The following SPAG1 variants were observed in gnomAD, a reference collection of about 807,000 sequenced individuals.
SPAG1 encodes sperm-associated antigen 1.
A neutral mutation model predicts 100.5 loss-of-function variants in SPAG1; 69 were observed. The observed-to-expected ratio is 0.69, with a 90% CI of 0.57 to 0.84. The LOEUF (loss-of-function observed/expected upper bound fraction) is 0.84. SPAG1 is among the 40% of genes least tolerant of loss of function. The pLI is 0.00. For synonymous variants in SPAG1, 336 were observed against 411.6 expected (o/e 0.82, Z 2.22); for missense variants, 955 against 1,133.1 (o/e 0.84, Z 2.26).
At chr8:100,197,818 G>T (rs911886213) in intron 10 of SPAG1, among the ~76,000 whole-genome samples, 17 of 152,172 alleles carry the variant, frequency 1.1e-4, no homozygotes, top group African/African-American at 4.1e-4. Context: ...TTTAACAACT[G>T]ACAATTATTG....
At chr8:100,172,634 A>ATGTGTGTGTGTGTGTGTG (rs60155004) in intron 3 of SPAG1, among the ~76,000 whole-genome samples, 2 of 145,460 alleles carry the variant, frequency 1.4e-5, no homozygotes, top group Non-Finnish European at 1.5e-5. Context: ...AAAGAAATAT[A>ATGTGTGTGTGTGTGTGTG]TGTGTGTGTG....
intron 14 of SPAG1, among the ~76,000 whole-genome samples, chr8:100,225,785 G>C (rs1302030283): frequency 6.6e-6 from 1 of 151,998 alleles, no homozygotes; most frequent in Non-Finnish European, 1.5e-5. Flanking sequence ...GTCTTAAGAA[G>C]TTGCTACATA....
chr8:100,235,329 G>A (rs1020048708), intron 16 of SPAG1, among the ~76,000 whole-genome samples: 10 of 152,174 alleles, frequency 6.6e-5, no homozygotes, highest in African/African-American at 2.4e-4. Flanking sequence ...TTGAGGTACT[G>A]GAGGTTAGAA....
At chr8:100,195,775 A>C (rs1305252924) in intron 10 of SPAG1, among the ~76,000 whole-genome samples, 1 of 152,180 alleles carries the variant, frequency 6.6e-6, no homozygotes, top group Non-Finnish European at 1.5e-5. Flanking sequence ...TTTTATATAT[A>C]GTAAAAATGA....
At position 100,187,104 on chromosome 8, in the gene SPAG1, ACTGTTTCTTTTCTAGGAGCATATC is replaced by A. The variant is rs1285087280; in HGVS notation, c.702-15_710del. ...ACCTTAGGCTTGCTTGTTGCCAGTA[ACTGTTTCTTTTCTAGGAGCATATC>A]AGCGCTTCCCACTGTAGTTGCCTAT... On this transcript the variant is annotated splice_acceptor_variant and splice_polypyrimidine_tract_variant and coding_sequence_variant and intron_variant, in exon 8 of 19. Coordinates refer to ENST00000388798, the MANE Select transcript of SPAG1 (RefSeq NM_003114.5). LOFTEE classifies it high-confidence loss of function. 2.5e-6 allele frequency: 4 copies of A among 1,596,982 alleles called. No individual in the cohort carries two copies. Among genetic ancestry groups the A allele is most frequent in the Non-Finnish European group, 3.4e-6 (4 of 1,173,148 alleles).
chr8:100,213,324 A>G lies in SPAG1; in HGVS notation c.1331A>G (p.Asn444Ser), dbSNP rs1415309007. Residue 444 changes from asparagine (N) to serine (S), a missense_variant, in exon 11 of 19, where the codon AAC becomes AGC. Physicochemically the swap from Asn to Ser is conservative, Grantham distance 46 (BLOSUM62 1). Coordinates refer to ENST00000388798, the MANE Select transcript of SPAG1 (RefSeq NM_003114.5). ...GHPGGGQGAE[N>S]PAGLKSQGNE... The stretch of plus-strand genomic sequence containing the variant: ...CCGGGCGGCGGGCAGGGCGCGGAGA[A>G]CCCTGCCGGCCTGAAGAGCCAGGGC... 8 of 1,272,032 alleles carry G rather than the reference A, an allele frequency of 6.3e-6. No homozygotes were observed. The African/African-American group carries it at 1.1e-4, about 17-fold the overall frequency. The allele number at this position is 1,272,032 out of a possible 1,614,324, so 78.8% of individuals were successfully genotyped here. A position where few individuals can be genotyped will look rare whatever the true frequency, so the allele number is the denominator to read the frequency against.
chr8:100,206,016 TCAAAAAAAAAAAAA>T (rs1214118999), intron 10 of SPAG1, among the ~76,000 whole-genome samples: 2 of 19,982 alleles, frequency 1.0e-4, no homozygotes, highest in African/African-American at 4.5e-4. Context: ...AGACTCTGTC[TCAAAAAAAAAAAAA>T]AAAAAAAAAA....
intron 13 of SPAG1, among the ~76,000 whole-genome samples, chr8:100,221,413 C>G (rs1479722387): frequency 6.6e-6 from 1 of 152,180 alleles, no homozygotes; most frequent in Non-Finnish European, 1.5e-5. Context: ...AACTTCCAGA[C>G]TTCATCAATT....
Position 100,239,845 on chromosome 8 carries a change from G to A in SPAG1, c.2280+441G>A, listed in dbSNP as rs535751961. 3.3e-5 allele frequency among the ~76,000 whole-genome samples: 5 copies of A among 152,278 alleles called. No homozygotes were observed. Among genetic ancestry groups the A allele is most frequent in the Non-Finnish European group, 5.9e-5 (4 of 68,024 alleles). On this transcript the variant is annotated intron_variant, in intron 17 of 18. Coordinates refer to ENST00000388798, the MANE Select transcript of SPAG1 (RefSeq NM_003114.5). The surrounding 1 kb of genome is among the most constrained non-coding windows in gnomAD (Gnocchi z 5.0). ...ATATGACTGCCTCATCAGAGATCTC[G>A]AACTACCTCAGGATCAAACTGCTTT...
At chr8:100,228,186 A>G (rs1412853874) in intron 14 of SPAG1, among the ~76,000 whole-genome samples, 1 of 152,116 alleles carries the variant, frequency 6.6e-6, no homozygotes, top group Non-Finnish European at 1.5e-5. Context: ...ATATTCTGTG[A>G]TTTGAAATAG....
chr8:100,172,050 G>C (rs1013355621), intron 3 of SPAG1, among the ~76,000 whole-genome samples: 1 of 151,572 alleles, frequency 6.6e-6, no homozygotes, highest in South Asian at 2.1e-4. Context: ...ACGTGCCACC[G>C]CGCCCAGCTA....
At chr8:100,225,564 T>C (rs947930166) in intron 14 of SPAG1, among the ~76,000 whole-genome samples, 2 of 152,046 alleles carry the variant, frequency 1.3e-5, no homozygotes, top group Non-Finnish European at 2.9e-5. Flanking sequence ...GTTCAAGCAA[T>C]TCTCCTGCCT....
chr8:100,163,691 T>TAGAAAGAAAGA (rs1815420115), intron 2 of SPAG1, among the ~76,000 whole-genome samples: 1 of 152,218 alleles, frequency 6.6e-6, no homozygotes, highest in Non-Finnish European at 1.5e-5. Context: ...TTCATCACCT[T>TAGAAAGAAAGA]TAGCTTCCTT....
intron 3 of SPAG1, among the ~76,000 whole-genome samples, chr8:100,166,719 G>A (rs1267520112): frequency 2.6e-5 from 4 of 152,084 alleles, no homozygotes; most frequent in Non-Finnish European, 5.9e-5. Flanking sequence ...GACCAGCCTG[G>A]GCAACATAGG....
intron 1 of SPAG1, among the ~76,000 whole-genome samples, chr8:100,159,679 G>A (rs1177427031): frequency 6.6e-6 from 1 of 152,132 alleles, no homozygotes; most frequent in Non-Finnish European, 1.5e-5. Flanking sequence ...GTAAAAGTTT[G>A]TATAAAGCAA....
In SPAG1 at chr8:100,194,178, G is replaced by C. The variant is rs769025103; in HGVS notation, c.1006G>C (p.Gly336Arg). The change falls in exon 10 of 19, where the codon GGG becomes CGG. Residue 336 changes from glycine (G) to arginine (R), a missense_variant. Transcript: ENST00000388798. The part of the protein sequence containing the change: ...SEAASETQTK[G>R]KRMVIQEIEN... ...AGCTGCATCTGAGACTCAAACCAAA[G>C]GGAAAAGGATGGTTATTCAGGAAAT... 6.2e-7 allele frequency: 1 copy of C among 1,609,728 alleles called. No individual in the cohort carries two copies. The highest frequency in any genetic ancestry group is 2.2e-5 in the East Asian group (1 of 44,756).
At chr8:100,172,634 A>ATGTG (rs60155004) in intron 3 of SPAG1, among the ~76,000 whole-genome samples, 2,256 of 145,544 alleles carry the variant, frequency 0.016, 52 homozygotes, top group African/African-American at 0.049. Context: ...AAAGAAATAT[A>ATGTG]TGTGTGTGTG....
intron 6 of SPAG1, among the ~76,000 whole-genome samples, chr8:100,184,287 A>G (rs1445980552): frequency 6.6e-6 from 1 of 152,082 alleles, no homozygotes; most frequent in Non-Finnish European, 1.5e-5. Context: ...TTCTTACTGT[A>G]ATTCATTTGT....
chr8:100,191,758 A>G (rs1465559734), intron 9 of SPAG1, among the ~76,000 whole-genome samples: 1 of 152,142 alleles, frequency 6.6e-6, no homozygotes, highest in Non-Finnish European at 1.5e-5. Flanking sequence ...GTTGTAGGCA[A>G]TGTTTTTCTC....
Sources: gnomAD v4.1 joint callset for allele counts (sites outside exome capture counted in the v4.1 genomes callset) on GRCh38, gnomAD v4.1.1 for gene constraint, Gnocchi (gnomAD v3.1) non-coding constraint, MANE v1.5 for transcripts, NCBI Gene and HGNC (gene_info 2026-07-23, HGNC 2026-07-21) for gene names.